The following SAMD5 variants were observed in gnomAD, a reference collection of about 807,000 sequenced individuals.
The protein encoded by SAMD5 is sterile alpha motif domain containing 5, also known as sterile alpha motif domain-containing protein 5.
A neutral mutation model predicts 11.3 loss-of-function variants in SAMD5; 13 were observed. The observed-to-expected ratio is 1.15, with a 90% CI of 0.75 to 1.83. The LOEUF (loss-of-function observed/expected upper bound fraction) is 1.83. Ranked by LOEUF, SAMD5 falls within the 40% of genes most tolerant of loss-of-function variation. The pLI, the probability that SAMD5 is intolerant of heterozygous loss-of-function variation, is 0.00. For missense variants in SAMD5, 255 were observed against 239.1 expected (o/e 1.07, Z -0.44); for synonymous variants, 129 against 111.3 (o/e 1.16, Z -1.00).
chr6:147,578,121 G>T (rs1473736842), intron 1 of SAMD5, among the ~76,000 whole-genome samples: 1 of 152,140 alleles, frequency 6.6e-6, no homozygotes, highest in Non-Finnish European at 1.5e-5. Flanking sequence ...AATCAAGAAG[G>T]ATAAGAAAGA....
downstream of SAMD5, among the ~76,000 whole-genome samples, chr6:147,574,454 T>C (rs1400882264): frequency 3.3e-5 from 5 of 152,130 alleles, no homozygotes; most frequent in Non-Finnish European, 4.4e-5. Context: ...CAGAATCAAA[T>C]GTAAGGACCA....
At chr6:147,757,678 G>A in the SAMD5 span, among the ~76,000 whole-genome samples, 1 of 152,084 alleles carries the variant, frequency 6.6e-6, no homozygotes, top group Non-Finnish European at 1.5e-5. Flanking sequence ...TGCACTGAGA[G>A]GAACTGTGCT....
At chr6:147,865,313 AGTGTGTGTGTGTGTGTGTGTGTGT>A in the SAMD5 span, among the ~76,000 whole-genome samples, 963 of 147,240 alleles carry the variant, frequency 6.5e-3, 9 homozygotes, top group African/African-American at 0.023. Flanking sequence ...TAGGTATATA[AGTGTGTGTGTGTGTGTGTGTGTGT>A]GTGTGTGTGT....
At chr6:147,614,089 A>G (rs1160428897) in intron 1 of SAMD5, among the ~76,000 whole-genome samples, 1 of 151,922 alleles carries the variant, frequency 6.6e-6, no homozygotes. Flanking sequence ...GATGGAGGAG[A>G]TGGCATTGGG....
the SAMD5 span, among the ~76,000 whole-genome samples, chr6:147,922,405 G>GA: frequency 6.6e-6 from 1 of 152,168 alleles, no homozygotes; most frequent in East Asian, 1.9e-4. Flanking sequence ...GTAATGTGGG[G>GA]AAAAATACAG....
chr6:147,618,856 A>G (rs1345902967), intron 1 of SAMD5, among the ~76,000 whole-genome samples: 1 of 152,270 alleles, frequency 6.6e-6, no homozygotes, highest in Non-Finnish European at 1.5e-5. Flanking sequence ...TCTTCAAAGT[A>G]CTATATTCCT....
Position 147,634,686 on chromosome 6 carries a change from C to A in SAMD5, c.163-102631C>A, listed in dbSNP as rs149789431. Among the ~76,000 whole-genome samples the A allele has an allele frequency of 6.8e-4, 103 of 152,240 alleles. 1 individual carries two copies. The highest frequency in any genetic ancestry group is 2.3e-3 in the African/African-American group (94 of 41,540). On this transcript the variant is annotated intron_variant, in intron 1 of 1. Coordinates refer to the SAMD5 transcript ENST00000566741. ...ACTATTTTGAAGGAGGGATTTTACC[C>A]CCTACTAAGCTTTTATTTTTCATCC... is the stretch of plus-strand genomic sequence containing the variant.
At chr6:147,654,852 GT>G (rs1790542747) in intron 1 of SAMD5, among the ~76,000 whole-genome samples, 1 of 151,928 alleles carries the variant, frequency 6.6e-6, no homozygotes, top group African/African-American at 2.4e-5. Context: ...TTTGCTTGTT[GT>G]CAGTTTGCCC....
At chr6:147,589,329 T>C (rs951649648) in intron 1 of SAMD5, among the ~76,000 whole-genome samples, 1 of 152,200 alleles carries the variant, frequency 6.6e-6, no homozygotes, top group African/African-American at 2.4e-5. Context: ...TGTTAGTCCA[T>C]CTATAGGGAC....
At chr6:147,616,934 C>T (rs74913314) in intron 1 of SAMD5, among the ~76,000 whole-genome samples, 1 of 152,282 alleles carries the variant, frequency 6.6e-6, no homozygotes, top group Non-Finnish European at 1.5e-5. Flanking sequence ...ACTGCAGGTC[C>T]CTCCCTTGAC....
chr6:147,591,998 T>C (rs144008816), intron 1 of SAMD5, among the ~76,000 whole-genome samples: 106 of 152,156 alleles, frequency 7.0e-4, no homozygotes, highest in Non-Finnish European at 1.2e-3. Context: ...GAAAAACAGA[T>C]CAGAGTTAGT....
At chr6:147,525,883 A>G (rs1011299294) in intron 1 of SAMD5, among the ~76,000 whole-genome samples, 3 of 152,182 alleles carry the variant, frequency 2.0e-5, no homozygotes, top group African/African-American at 7.2e-5. Context: ...TGCCTCCTGG[A>G]AAGCTAGATG....
chr6:147,580,720 T>C (rs923064364), intron 1 of SAMD5, among the ~76,000 whole-genome samples: 1 of 152,254 alleles, frequency 6.6e-6, no homozygotes, highest in East Asian at 1.9e-4. Context: ...TCCAATTCTG[T>C]ATTCTATTTC....
At chr6:147,602,589 C>CA (rs1385628784) in intron 1 of SAMD5, among the ~76,000 whole-genome samples, 20 of 152,076 alleles carry the variant, frequency 1.3e-4, no homozygotes, top group African/African-American at 4.1e-4. Flanking sequence ...ACTAAAAATA[C>CA]AAAAATTAGC....
At chr6:147,879,790 A>T in the SAMD5 span, among the ~76,000 whole-genome samples, 1 of 152,176 alleles carries the variant, frequency 6.6e-6, no homozygotes, top group Non-Finnish European at 1.5e-5. Flanking sequence ...CTAGAAACCA[A>T]CTGGATTCTG....
chr6:147,822,071 G>T, the SAMD5 span, among the ~76,000 whole-genome samples: 1 of 152,060 alleles, frequency 6.6e-6, no homozygotes, highest in Non-Finnish European at 1.5e-5. Flanking sequence ...AACTAACTAG[G>T]TATGAACACC....
the SAMD5 span, among the ~76,000 whole-genome samples, chr6:147,945,998 CTT>C: frequency 6.6e-6 from 1 of 152,258 alleles, no homozygotes; most frequent in Admixed American, 6.5e-5. Flanking sequence ...CCCTAGGCTG[CTT>C]TTTCAGCTTT....
intron 1 of SAMD5, among the ~76,000 whole-genome samples, chr6:147,735,379 AG>A (rs1330561076): frequency 6.6e-6 from 1 of 152,182 alleles, no homozygotes; most frequent in Non-Finnish European, 1.5e-5. Context: ...GTGTGTGAAG[AG>A]ATGCCTGATT....
chr6:147,863,008 C>T, the SAMD5 span, among the ~76,000 whole-genome samples: 1 of 152,058 alleles, frequency 6.6e-6, no homozygotes, highest in South Asian at 2.1e-4. Context: ...GGAATCACAG[C>T]AAGGGGTACG....
Sources: gnomAD v4.1 joint callset for allele counts (sites outside exome capture counted in the v4.1 genomes callset) on GRCh38, gnomAD v4.1.1 for gene constraint, MANE v1.5 for transcripts, NCBI Gene and HGNC (gene_info 2026-07-23, HGNC 2026-07-21) for gene names.